Variants in ZNF596 observed in about 807,000 individuals in gnomAD.
ZNF596 encodes the protein zinc finger protein 596.
In ZNF596, 45 loss-of-function variants were observed where a neutral mutation model predicts 48.3. That is an observed-to-expected ratio of 0.93 (90% CI 0.73 to 1.19). The LOEUF (loss-of-function observed/expected upper bound fraction) is 1.19. Ranked by LOEUF, ZNF596 falls within the 50% of genes most tolerant of loss-of-function variation. The pLI, the probability that ZNF596 is intolerant of heterozygous loss-of-function variation, is 0.00. For synonymous variants in ZNF596, 270 were observed against 202.0 expected (o/e 1.34, Z -2.85); for missense variants, 848 against 599.7 (o/e 1.41, Z -4.32).
chr8:234,716 C>T (rs1386168449), intron 1 of ZNF596: 1 of 152,202 alleles, frequency 6.6e-6, no homozygotes, highest in Non-Finnish European at 1.5e-5. Context: ...CTTCCCTTAA[C>T]GTCCTCCCAT....
In ZNF596 at chr8:243,702, T is replaced by A; in HGVS notation, c.140-20T>A. ...GTCAGCACAGAACTCAAAATCCATG[T>A]ATCTTTTTCCCCAAAACAGGCAAAC... On this transcript the variant is annotated intron_variant, in intron 3 of 5. Transcript: ENST00000398612. The A allele has an allele frequency of 6.2e-7, 1 of 1,612,092 alleles. No individual in the cohort carries two copies. The highest frequency in any genetic ancestry group is 1.1e-5 in the South Asian group (1 of 91,024).
At chr8:236,079 G>C (rs12216710) in intron 1 of ZNF596, among the ~76,000 whole-genome samples, 3 of 151,872 alleles carry the variant, frequency 2.0e-5, no homozygotes, top group Non-Finnish European at 4.4e-5. Flanking sequence ...TCTAATAATA[G>C]GATTTTCAGG....
At chr8:245,122 T>G in intron 5 of ZNF596, 32 bp from the exon 6 acceptor site, 1 of 1,541,350 alleles carries the variant, frequency 6.5e-7, no homozygotes, top group Non-Finnish European at 8.7e-7. Context: ...GGATAAACCT[T>G]TAATAGTCTT....
At chr8:245,020 C>A in intron 5 of ZNF596, 134 bp from the exon 6 acceptor site, 1 of 1,112,472 alleles carries the variant, frequency 9.0e-7, no homozygotes, top group Non-Finnish European at 1.2e-6. Flanking sequence ...GTTTGTATAA[C>A]TGATATAGGA....
At chr8:233,267 T>C (rs1438027095) in intron 1 of ZNF596, 3 of 373,302 alleles carry the variant, frequency 8.0e-6, no homozygotes, top group African/African-American at 6.4e-5. Context: ...TGAGGAGGCC[T>C]TGACCGTCAG....
chr8:246,338 C>T lies in ZNF596; in HGVS notation c.1491C>T (p.His497=). 1 of 1,589,880 alleles carries T rather than the reference C, an allele frequency of 6.3e-7. No individual in the cohort carries two copies. Among genetic ancestry groups the T allele is most frequent in the Non-Finnish European group, 8.5e-7 (1 of 1,171,910 alleles). Reference sequence around the variant, plus strand: ...ACCTTAGACAACATGAGAGAACTCACACTAAAAAAGCAATGAATATGTAAG... The same window carrying T: ...ACCTTAGACAACATGAGAGAACTCATACTAAAAAAGCAATGAATATGTAAG... ...FFNLRQHERT[H]TKKAMNM is the part of the protein sequence containing the mutation. Residue 497 remains histidine (H), a synonymous_variant, in exon 6 of 6, where the codon CAC becomes CAT. Coordinates refer to ENST00000398612, the MANE Select transcript of ZNF596 (RefSeq NM_001042416.3).
chr8:235,114 T>G, intron 1 of ZNF596, among the ~76,000 whole-genome samples: 1 of 152,208 alleles, frequency 6.6e-6, no homozygotes, highest in African/African-American at 2.4e-5. Context: ...TTTGACAAAT[T>G]AAGGTAGCAT....
In ZNF596 at chr8:243,006, C is replaced by A. The variant is rs199974181; in HGVS notation, c.132C>A (p.Val44=). 2.5e-6 allele frequency: 4 copies of A among 1,611,490 alleles called. No individual in the cohort carries two copies. In the South Asian group the frequency reaches 4.4e-5, roughly 18 times the overall value. Residue 44 remains valine, a synonymous_variant, in exon 3 of 6, where the codon GTC becomes GTA. Transcript: ENST00000398612. ...TGTTGGAGAACATCAGTCATCTGGTCTCTATTGGTGAGTCTCTTTATATTT... is the reference window on the plus strand; with the variant it reads ...TGTTGGAGAACATCAGTCATCTGGTATCTATTGGTGAGTCTCTTTATATTT... ...DVMLENISHL[V]SIGKQLCKSV... is the part of the protein sequence containing the mutation.
At chr8:232,753 C>T (rs1247881794) in intron 1 of ZNF596, 59 bp downstream of exon 1, 14 of 419,714 alleles carry the variant, frequency 3.3e-5, no homozygotes, top group African/African-American at 8.4e-5. Context: ...CTCTTGGCCC[C>T]TCAGGGCAGC....
rs973618027 is a variant in ZNF596, at chr8:245,319, A to G, written c.472A>G (p.Lys158Glu). 1 of 1,614,004 alleles carries G rather than the reference A, an allele frequency of 6.2e-7. No individual in the cohort carries two copies. Among genetic ancestry groups the G allele is most frequent in the African/African-American group, 1.3e-5 (1 of 74,946 alleles). ...FSDWLSFNQH[K>E]EIHTKCKSYG... ...TGACTGGTTATCCTTTAATCAACAC[A>G]AGGAAATTCACACCAAATGTAAATC... is the stretch of plus-strand genomic sequence containing the variant. Residue 158 changes from lysine to glutamate, a missense_variant, in exon 6 of 6, where the codon AAG (lysine) becomes GAG (glutamate). Physicochemically the swap from Lys to Glu is moderately conservative, Grantham distance 56. Transcript: ENST00000398612.
chr8:246,425 T>C lies in ZNF596; in HGVS notation c.*63T>C. 6.6e-7 allele frequency: 1 copy of C among 1,514,106 alleles called. No individual in the cohort carries two copies. Among genetic ancestry groups the C allele is most frequent in the Non-Finnish European group, 8.8e-7 (1 of 1,137,242 alleles). 93.8% of individuals were successfully genotyped at this position (1,514,106 alleles called of 1,614,324 possible). On this transcript the variant is annotated 3_prime_UTR_variant, in exon 6 of 6. Coordinates refer to ENST00000398612, the MANE Select transcript of ZNF596 (RefSeq NM_001042416.3). ...GGACAAACATACTACAGGAATATTATGTCTGTAATCAGTGTGGAAAAGCCT... is the reference window on the plus strand; with the variant it reads ...GGACAAACATACTACAGGAATATTACGTCTGTAATCAGTGTGGAAAAGCCT...
chr8:245,093 T>C, intron 5 of ZNF596, 61 bp from the exon 6 acceptor site: 1 of 1,499,240 alleles, frequency 6.7e-7, no homozygotes, highest in Non-Finnish European at 8.9e-7. Flanking sequence ...GAGAAATGAA[T>C]GAAGTAATGA....
rs560037854 is a variant in ZNF596 at position 242,534 on chromosome 8, G to A, written c.13-353G>A. On this transcript the variant is annotated intron_variant, in intron 2 of 5. Coordinates refer to ENST00000398612, the MANE Select transcript of ZNF596 (RefSeq NM_001042416.3). ...ATGGATGCTGCCTCCCTTGTAGTGA[G>A]TCTATAGATTTTCTTGAAGGTGGTG... is the stretch of plus-strand genomic sequence containing the variant. Among the ~76,000 whole-genome samples, 240 of 152,238 alleles carry A rather than the reference G, an allele frequency of 1.6e-3. 7 individuals carry two copies. The South Asian group carries it at 0.049, about 31-fold the overall frequency.
chr8:235,527 G>A (rs901483611), intron 1 of ZNF596, among the ~76,000 whole-genome samples: 8 of 151,334 alleles, frequency 5.3e-5, no homozygotes, highest in African/African-American at 1.9e-4. Context: ...GTTATTTCCA[G>A]TTCACAAAGT....
chr8:242,298 T>C (rs1359591215), intron 2 of ZNF596, among the ~76,000 whole-genome samples: 2 of 147,542 alleles, frequency 1.4e-5, no homozygotes, highest in African/African-American at 5.4e-5. Context: ...CCAAGTTCTA[T>C]ATGAAAGTTG....
chr8:239,098 T>C (rs56401369), intron 1 of ZNF596, among the ~76,000 whole-genome samples: 3 of 152,014 alleles, frequency 2.0e-5, no homozygotes. Flanking sequence ...TTATTTGAAA[T>C]TATTCAATCA....
intron 4 of ZNF596, chr8:244,366 C>A: frequency 4.3e-6 from 2 of 463,972 alleles, no homozygotes; most frequent in Non-Finnish European, 7.6e-6. Flanking sequence ...TAAACTATTA[C>A]ATACTAGCCC....
chr8:238,504 G>C (rs1347573787), intron 1 of ZNF596, among the ~76,000 whole-genome samples: 3 of 151,712 alleles, frequency 2.0e-5, no homozygotes, highest in Non-Finnish European at 2.9e-5. Context: ...TGACCATAAA[G>C]AAATACAGGT....
At chr8:244,831 G>A in intron 5 of ZNF596, 130 bp downstream of exon 5, 1 of 770,720 alleles carries the variant, frequency 1.3e-6, no homozygotes, top group Non-Finnish European at 2.1e-6. Flanking sequence ...TGGATTTAGT[G>A]AAGACGTTAA....
Sources: gnomAD v4.1 joint callset for allele counts (sites outside exome capture counted in the v4.1 genomes callset) on GRCh38, gnomAD v4.1.1 for gene constraint, MANE v1.5 for transcripts, NCBI Gene and HGNC (gene_info 2026-07-23, HGNC 2026-07-21) for gene names.